Variants in SEL1L3 observed in about 807,000 individuals in gnomAD.
The protein encoded by SEL1L3 is SEL1L family member 3.
SEL1L3 carries 76 observed loss-of-function variants against 142.8 expected under a neutral mutation model. The observed-to-expected ratio is 0.53, with a 90% CI of 0.44 to 0.64. The LOEUF is 0.64. Among genes scored for constraint, SEL1L3 ranks in the 30% least tolerant of loss-of-function variants. SEL1L3 has a pLI of 0.00. For missense variants in SEL1L3, 1,262 were observed against 1,381.7 expected (o/e 0.91, Z 1.37); for synonymous variants, 504 against 519.6 (o/e 0.97, Z 0.41).
At chr4:25,736,242 T>TGTGTGTGTGA in the SEL1L3 span, among the ~76,000 whole-genome samples, 10 of 150,556 alleles carry the variant, frequency 6.6e-5, no homozygotes, top group Middle Eastern at 3.5e-3. Flanking sequence ...TGTGTGTGTG[T>TGTGTGTGTGA]GATGGAGTTT....
At chr4:25,824,605 T>C (rs1056058479) in intron 6 of SEL1L3, among the ~76,000 whole-genome samples, 1 of 152,204 alleles carries the variant, frequency 6.6e-6, no homozygotes, top group Non-Finnish European at 1.5e-5. Flanking sequence ...GTTTCATGCT[T>C]AGCAAGAATA....
the SEL1L3 span, among the ~76,000 whole-genome samples, chr4:25,714,490 CTT>C: frequency 1.3e-5 from 1 of 78,682 alleles, no homozygotes; most frequent in African/African-American, 6.8e-5. Flanking sequence ...CTTTCTTTCT[CTT>C]TCTTTCTTTT....
intron 6 of SEL1L3, among the ~76,000 whole-genome samples, chr4:25,823,864 T>G (rs1714927342): frequency 6.6e-6 from 1 of 152,044 alleles, no homozygotes; most frequent in African/African-American, 2.4e-5. Context: ...CAGGGTTATT[T>G]CAGAACGAGG....
At chr4:25,757,416 C>T (rs1475951498) in intron 23 of SEL1L3, 118 bp downstream of exon 23, 1 of 758,752 alleles carries the variant, frequency 1.3e-6, no homozygotes, top group Non-Finnish European at 2.0e-6. Context: ...GATAGCATGA[C>T]CAACAGCACC....
chr4:25,856,433 C>A (rs141556514), intron 1 of SEL1L3, among the ~76,000 whole-genome samples: 66 of 152,218 alleles, frequency 4.3e-4, no homozygotes, highest in African/African-American at 1.6e-3. Flanking sequence ...ACATACTGAT[C>A]CATTTTGCAC....
intron 2 of SEL1L3, among the ~76,000 whole-genome samples, chr4:25,846,905 T>A (rs1431267372): frequency 4.4e-5 from 3 of 68,192 alleles, no homozygotes; most frequent in Non-Finnish European, 2.4e-5. Flanking sequence ...AGAACAAGAC[T>A]CCATCTCAAA....
intron 23 of SEL1L3, among the ~76,000 whole-genome samples, 167 bp from the exon 24 acceptor site, chr4:25,748,731 G>T (rs373165133): frequency 2.4e-4 from 36 of 152,300 alleles, no homozygotes; most frequent in African/African-American, 7.7e-4. Flanking sequence ...TTAAGAAGAT[G>T]CCACCACATG....
chr4:25,740,413 A>G, the SEL1L3 span, among the ~76,000 whole-genome samples: 1 of 149,014 alleles, frequency 6.7e-6, no homozygotes, highest in African/African-American at 2.5e-5. Context: ...AGCCTGAGCT[A>G]CAGAGTGAGA....
At chr4:25,833,346 C>T in intron 4 of SEL1L3, 102 bp downstream of exon 4, 1 of 1,147,890 alleles carries the variant, frequency 8.7e-7, no homozygotes, top group Non-Finnish European at 1.2e-6. Flanking sequence ...TGCTGGGCTG[C>T]CATGTTGACA....
At chr4:25,759,712 AAC>A (rs1718244089) in intron 20 of SEL1L3, 1 of 152,344 alleles carries the variant, frequency 6.6e-6, no homozygotes, top group African/African-American at 2.4e-5. Flanking sequence ...CAATAAAATA[AAC>A]ACAGTTAGAG....
chr4:25,737,133 C>T, the SEL1L3 span, among the ~76,000 whole-genome samples: 35 of 151,976 alleles, frequency 2.3e-4, no homozygotes, highest in South Asian at 4.2e-4. Flanking sequence ...TACAGGCACA[C>T]GCCACCACGC....
At chr4:25,744,894 G>A (rs558120607), downstream of SEL1L3, among the ~76,000 whole-genome samples, 6 of 152,224 alleles carry the variant, frequency 3.9e-5, no homozygotes, top group African/African-American at 1.4e-4. Flanking sequence ...TAATCCTGCT[G>A]ACGCCTTGAT....
At chr4:25,857,130 G>A (rs1027212316) in intron 1 of SEL1L3, among the ~76,000 whole-genome samples, 2 of 152,050 alleles carry the variant, frequency 1.3e-5, no homozygotes, top group African/African-American at 4.8e-5. Context: ...GCCTTAAAGG[G>A]CCTATTTTTG....
At chr4:25,803,276 G>T (rs915969502) in intron 10 of SEL1L3, among the ~76,000 whole-genome samples, 2 of 152,216 alleles carry the variant, frequency 1.3e-5, no homozygotes, top group Non-Finnish European at 2.9e-5. Flanking sequence ...ATGGGACTAG[G>T]CTGTTTTCAT....
the SEL1L3 span, among the ~76,000 whole-genome samples, chr4:25,740,763 G>A: frequency 4.6e-5 from 7 of 152,086 alleles, no homozygotes; most frequent in African/African-American, 1.7e-4. Context: ...ACATCCTCAG[G>A]GTATTACATA....
At chr4:25,728,808 G>A in the SEL1L3 span, among the ~76,000 whole-genome samples, 1 of 151,156 alleles carries the variant, frequency 6.6e-6, no homozygotes, top group Admixed American at 6.6e-5. Context: ...GGGAGGCAGA[G>A]GCTGCAGTGA....
chr4:25,818,869 C>A (rs1329879656), intron 8 of SEL1L3, among the ~76,000 whole-genome samples: 1 of 152,224 alleles, frequency 6.6e-6, no homozygotes, highest in Non-Finnish European at 1.5e-5. Context: ...TGCAGAAGCA[C>A]TATCTTTCCA....
chr4:25,782,092 C>T, intron 15 of SEL1L3, 150 bp downstream of exon 15: 1 of 660,578 alleles, frequency 1.5e-6, no homozygotes, highest in Non-Finnish European at 2.5e-6. Flanking sequence ...CTTTCCTCTT[C>T]ACTATCTTGT....
At chr4:25,721,197 A>T in the SEL1L3 span, 167 of 147,982 alleles carry the variant, frequency 1.1e-3, 2 homozygotes, top group African/African-American at 4.2e-3. Flanking sequence ...ACTGAACATA[A>T]GGATATAAGC....
Sources: gnomAD v4.1 joint callset for allele counts (sites outside exome capture counted in the v4.1 genomes callset) on GRCh38, gnomAD v4.1.1 for gene constraint, MANE v1.5 for transcripts, NCBI Gene and HGNC (gene_info 2026-07-23, HGNC 2026-07-21) for gene names.